Variants in NPAS3 observed in about 807,000 individuals in gnomAD.
NPAS3 encodes the protein neuronal PAS domain-containing protein 3.
In NPAS3, 14 loss-of-function variants were observed where a neutral mutation model predicts 73.1. That is an observed-to-expected ratio of 0.19 (90% CI 0.13 to 0.30). The LOEUF (loss-of-function observed/expected upper bound fraction) is 0.30. Ranked by LOEUF, NPAS3 falls within the 10% of genes least tolerant of loss-of-function variation. The pLI is 1.00. For synonymous variants in NPAS3, 620 were observed against 541.5 expected (o/e 1.14, Z -2.01); for missense variants, 1,096 against 1,250.0 (o/e 0.88, Z 1.86).
intron 5 of NPAS3, among the ~76,000 whole-genome samples, chr14:33,664,597 A>C (rs1057399942): frequency 2.0e-5 from 3 of 152,242 alleles, no homozygotes; most frequent in Admixed American, 6.5e-5. Flanking sequence ...GAATGGGAGA[A>C]AATTTTTGCA....
chr14:33,392,721 T>C (rs970279066), intron 4 of NPAS3, among the ~76,000 whole-genome samples: 2 of 152,154 alleles, frequency 1.3e-5, no homozygotes, highest in African/African-American at 4.8e-5. Context: ...GTAGTGTCTA[T>C]CAGAACAAAT....
intron 4 of NPAS3, among the ~76,000 whole-genome samples, chr14:33,410,401 C>T (rs1041316221): frequency 1.3e-5 from 2 of 152,158 alleles, no homozygotes; most frequent in African/African-American, 4.8e-5. Flanking sequence ...AAGATTGCTG[C>T]CTACTCCTAA....
intron 2 of NPAS3, among the ~76,000 whole-genome samples, chr14:33,188,393 A>G (rs1221342796): frequency 6.6e-6 from 1 of 152,236 alleles, no homozygotes; most frequent in Non-Finnish European, 1.5e-5. Flanking sequence ...TGAATGCTTG[A>G]ATGAAGACAG....
At chr14:33,147,730 A>AAAAAAAT (rs372663411) in intron 2 of NPAS3, among the ~76,000 whole-genome samples, 2 of 130,386 alleles carry the variant, frequency 1.5e-5, no homozygotes, top group African/African-American at 6.5e-5. Flanking sequence ...TAGAATAAAA[A>AAAAAAAT]ATATATATAT....
intron 4 of NPAS3, among the ~76,000 whole-genome samples, chr14:33,498,186 C>T (rs955374073): frequency 6.6e-6 from 1 of 151,896 alleles, no homozygotes; most frequent in Non-Finnish European, 1.5e-5. Flanking sequence ...AAAAAGTCAG[C>T]AGACAACAGA....
chr14:33,720,022 C>G (rs1595497981), intron 6 of NPAS3, among the ~76,000 whole-genome samples: 1 of 151,942 alleles, frequency 6.6e-6, no homozygotes. Context: ...TTAAGAGGAA[C>G]AAATCTCATT....
chr14:33,700,772 A>G (rs1027119875), intron 6 of NPAS3, among the ~76,000 whole-genome samples: 5 of 152,218 alleles, frequency 3.3e-5, no homozygotes, highest in Non-Finnish European at 5.9e-5. Context: ...TGAACACAGT[A>G]TTTTATTGAA....
intron 5 of NPAS3, among the ~76,000 whole-genome samples, chr14:33,618,941 T>G (rs1252861979): frequency 2.6e-5 from 4 of 152,228 alleles, no homozygotes; most frequent in Non-Finnish European, 4.4e-5. Context: ...TGAGGTGCTG[T>G]CAGTTGTGGG....
rs182741054 is a variant in NPAS3, at chr14:33,082,891, C to A, written c.140+26897C>A. 2.8e-3 allele frequency among the ~76,000 whole-genome samples: 424 copies of A among 152,180 alleles called. 1 individual carries two copies. Among genetic ancestry groups the A allele is most frequent in the Non-Finnish European group, 5.2e-3 (356 of 68,002 alleles). On this transcript the variant is annotated intron_variant, in intron 2 of 11. Transcript: ENST00000356141. ...TATAGCTGTTATTATTCAAAAGTGA[C>A]TTTGGGCCAGGCACAATGTCTCACA... is the stretch of plus-strand genomic sequence containing the variant.
intron 5 of NPAS3, among the ~76,000 whole-genome samples, chr14:33,637,465 C>T (rs111984227): frequency 0.011 from 1,632 of 152,156 alleles, 17 homozygotes; most frequent in Middle Eastern, 0.02. Context: ...TCAGAAGAAA[C>T]TTTTTCTAAG....
chr14:33,481,998 A>G lies in NPAS3; in HGVS notation c.469-78123A>G, dbSNP rs4982091. Among the ~76,000 whole-genome samples the G allele has an allele frequency of 2.2e-3, 332 of 152,248 alleles. 3 individuals carry two copies. Among genetic ancestry groups the G allele is most frequent in the Non-Finnish European group, 3.8e-3 (260 of 68,004 alleles). On this transcript the variant is annotated intron_variant, in intron 4 of 11. Transcript: ENST00000356141. ...AATGAATATGCAGATTATCACAACAAAATGAAGACTGCTTTTGAAAACAGG... is the reference window on the plus strand; with the variant it reads ...AATGAATATGCAGATTATCACAACAGAATGAAGACTGCTTTTGAAAACAGG...
chr14:33,146,415 AGATGACAAT>A (rs961858037), intron 2 of NPAS3, among the ~76,000 whole-genome samples: 1 of 152,218 alleles, frequency 6.6e-6, no homozygotes, highest in African/African-American at 2.4e-5. Context: ...GGGTTAAATG[AGATGACAAT>A]CCCTTAGGCC....
chr14:33,676,938 T>C (rs1435839582), intron 6 of NPAS3, among the ~76,000 whole-genome samples: 2 of 152,192 alleles, frequency 1.3e-5, no homozygotes, highest in African/African-American at 2.4e-5. Flanking sequence ...AGATCAATTG[T>C]ATAGAGGAAT....
chr14:33,105,043 G>T (rs951009375), intron 2 of NPAS3, among the ~76,000 whole-genome samples: 1 of 152,130 alleles, frequency 6.6e-6, no homozygotes, highest in Non-Finnish European at 1.5e-5. Flanking sequence ...ATGTGGGAAA[G>T]CATCTACTAT....
intron 2 of NPAS3, among the ~76,000 whole-genome samples, chr14:33,147,969 A>G (rs1208806851): frequency 6.6e-6 from 1 of 152,008 alleles, no homozygotes; most frequent in African/African-American, 2.4e-5. Context: ...AACTTGGGCC[A>G]TGGTATAAGA....
intron 4 of NPAS3, among the ~76,000 whole-genome samples, chr14:33,535,624 C>T (rs193154819): frequency 1.6e-4 from 24 of 152,276 alleles, no homozygotes; most frequent in African/African-American, 5.1e-4. Context: ...ACATGTTCAT[C>T]AGAACATTAG....
intron 10 of NPAS3, among the ~76,000 whole-genome samples, chr14:33,796,274 A>T (rs1160214475): frequency 6.6e-6 from 1 of 152,196 alleles, no homozygotes; most frequent in Non-Finnish European, 1.5e-5. Context: ...CTGCTCCTCC[A>T]GTCTTCTTCC....
intron 2 of NPAS3, among the ~76,000 whole-genome samples, chr14:33,184,543 A>C (rs1013048470): frequency 6.6e-6 from 1 of 152,208 alleles, no homozygotes; most frequent in Non-Finnish European, 1.5e-5. Context: ...CTCTGATTAC[A>C]GTGAAGAGAA....
chr14:32,964,248 T>A (rs550724157), intron 1 of NPAS3, among the ~76,000 whole-genome samples: 1 of 152,180 alleles, frequency 6.6e-6, no homozygotes, highest in East Asian at 1.9e-4. Flanking sequence ...AGAGTGTTTT[T>A]TGTATTCTTC....
Sources: gnomAD v4.1 joint callset for allele counts (sites outside exome capture counted in the v4.1 genomes callset) on GRCh38, gnomAD v4.1.1 for gene constraint, MANE v1.5 for transcripts, NCBI Gene and HGNC (gene_info 2026-07-23, HGNC 2026-07-21) for gene names.